Variants in TMPRSS13 observed in about 807,000 individuals in gnomAD.
The protein encoded by TMPRSS13 is transmembrane serine protease 13, also known as transmembrane protease serine 13.
TMPRSS13 carries 50 observed loss-of-function variants against 68.4 expected under a neutral mutation model. That is an observed-to-expected ratio of 0.73 (90% CI 0.58 to 0.93). The LOEUF is 0.93. TMPRSS13 is among the 40% of genes least tolerant of loss of function. The probability of loss-of-function intolerance (pLI) is 0.00; values close to 1 mark genes in which losing one functional copy is unlikely to be tolerated. For synonymous variants in TMPRSS13, 267 were observed against 285.8 expected (o/e 0.93, Z 0.66); for missense variants, 615 against 729.2 (o/e 0.84, Z 1.80).
In TMPRSS13 at chr11:117,911,845, G is replaced by T. The variant is rs761175401; in HGVS notation, c.825C>A (p.Thr275=). Residue 275 remains threonine, a synonymous_variant, in exon 6 of 13, where the codon ACC becomes ACA. Transcript: ENST00000524993. ...QLGFESAHRT[T]EVAHRDFANS... ...TGGCAAAATCCCTGTGGGCAACCTC[G>T]GTTGTCCGGTGAGCACTACAAGGGA... The T allele has an allele frequency of 2.5e-6, 4 of 1,613,978 alleles. No homozygotes were observed. The Admixed American group carries it at 6.7e-5, about 27-fold the overall frequency.
intron 5 of TMPRSS13, among the ~76,000 whole-genome samples, chr11:117,912,645 C>A (rs922114930): frequency 1.3e-5 from 2 of 152,214 alleles, no homozygotes; most frequent in Non-Finnish European, 1.5e-5. Context: ...AGGGCCCATT[C>A]TCTGCTCTCT....
In TMPRSS13 at chr11:117,902,110, A is replaced by C; in HGVS notation, c.*129T>G. ...CACACACACACACACACACAGAGGC[A>C]GCAGACAGTGGAGGTGGGAGTCCGA... On this transcript the variant is annotated 3_prime_UTR_variant, in exon 13 of 13. Transcript: ENST00000524993. 2 of 947,204 alleles carry C rather than the reference A, an allele frequency of 2.1e-6. No individual in the cohort carries two copies. Among genetic ancestry groups the C allele is most frequent in the Non-Finnish European group, 3.3e-6 (2 of 607,414 alleles). The allele number at this position is 947,204 out of a possible 1,614,324, so 58.7% of individuals were successfully genotyped here.
intron 1 of TMPRSS13, among the ~76,000 whole-genome samples, chr11:117,924,146 C>T (rs907544178): frequency 4.7e-5 from 2 of 42,468 alleles, no homozygotes; most frequent in Non-Finnish European, 1.5e-4. Context: ...AAGCTGAAGA[C>T]CAACCTAGGC....
intron 10 of TMPRSS13, 42 bp downstream of exon 10, chr11:117,905,596 C>T: frequency 2.0e-6 from 3 of 1,493,190 alleles, no homozygotes; most frequent in Non-Finnish European, 2.8e-6. Context: ...CACACACATG[C>T]ACATGAATAC....
rs903311861 is a variant in TMPRSS13 at position 117,917,112 on chromosome 11, G to A, written c.556+58C>T. The A allele has an allele frequency of 1.3e-5, 19 of 1,433,402 alleles. No homozygotes were observed. The East Asian group carries it at 3.7e-4, about 28-fold the overall frequency. 88.8% of individuals were successfully genotyped at this position (1,433,402 alleles called of 1,614,324 possible). A position where few individuals can be genotyped will look rare whatever the true frequency, so the allele number is the denominator to read the frequency against. On this transcript the variant is annotated intron_variant, in intron 3 of 12. Transcript: ENST00000524993. ...TCTCCCCTGCCTGCCCCCATCCCTG[G>A]GTCCCACTCTGCCCAGCAGTGCCCA...
intron 11 of TMPRSS13, 46 bp downstream of exon 11, chr11:117,903,913 A>G (rs1187034770): frequency 1.2e-6 from 2 of 1,600,912 alleles, no homozygotes; most frequent in East Asian, 4.5e-5. Flanking sequence ...TGCCTCCCCC[A>G]TCCCCAGGGT....
chr11:117,918,911 C>T (rs917171659), intron 1 of TMPRSS13, 73 bp from the exon 2 acceptor site: 15 of 1,584,086 alleles, frequency 9.5e-6, no homozygotes, highest in Non-Finnish European at 1.3e-5. Flanking sequence ...CTGTGCTGCA[C>T]TAGGAGATGA....
chr11:117,916,619 T>C (rs2057580676), intron 3 of TMPRSS13, among the ~76,000 whole-genome samples: 1 of 152,252 alleles, frequency 6.6e-6, no homozygotes, highest in African/African-American at 2.4e-5. Context: ...GGGGCATGCC[T>C]GGGTATCTTT....
chr11:117,914,268 C>G lies in TMPRSS13; in HGVS notation c.679+124G>C. ...ATACATGCATACACACAAACATGCA[C>G]ATACACACACATGCACGCACACATA... On this transcript the variant is annotated intron_variant, in intron 4 of 12. Coordinates refer to ENST00000524993, the MANE Select transcript of TMPRSS13 (RefSeq NM_001077263.3). The surrounding 1 kb of genome is among the most constrained non-coding windows in gnomAD (Gnocchi z 4.2). 1 of 1,320,690 alleles carries G rather than the reference C, an allele frequency of 7.6e-7. No individual in the cohort carries two copies. The highest frequency in any genetic ancestry group is 1.1e-6 in the Non-Finnish European group (1 of 942,214). 81.8% of individuals were successfully genotyped at this position (1,320,690 alleles called of 1,614,324 possible). A position where few individuals can be genotyped will look rare whatever the true frequency, so the allele number is the denominator to read the frequency against.
At chr11:117,908,564 G>A (rs771329115) in intron 9 of TMPRSS13, 48 bp downstream of exon 9, 6 of 1,540,474 alleles carry the variant, frequency 3.9e-6, no homozygotes, top group Non-Finnish European at 4.4e-6. Flanking sequence ...GGCTGCAGAG[G>A]GTGCTGGGGC....
chr11:117,923,844 A>AAAAC (rs2057671378), intron 1 of TMPRSS13, among the ~76,000 whole-genome samples: 1 of 150,994 alleles, frequency 6.6e-6, no homozygotes, highest in Admixed American at 6.6e-5. Flanking sequence ...TAATTAAAAA[A>AAAAC]AAAAAAAAAA....
At chr11:117,920,937 C>T (rs1017504045) in intron 1 of TMPRSS13, among the ~76,000 whole-genome samples, 4 of 152,180 alleles carry the variant, frequency 2.6e-5, no homozygotes, top group African/African-American at 9.7e-5. Context: ...GTAAAATGGG[C>T]AGACCTTACC....
rs868563272 is a variant in TMPRSS13 at position 117,917,247 on chromosome 11, C to T, written c.479G>A (p.Arg160Gln). Reference protein sequence around the residue: ...PGTSLPKFTWREGQKQLPLIG... With the variant: ...PGTSLPKFTWQEGQKQLPLIG... ...GAGCGGTAGCTGCTTCTGGCCCTCC[C>T]GCCAGGTGAACTTGGGCAGGCTCGT... Residue 160 changes from arginine (R) to glutamine (Q), a missense_variant, in exon 3 of 13, where the codon CGG becomes CAG. Transcript: ENST00000524993. 23 of 1,612,706 alleles carry T rather than the reference C, an allele frequency of 1.4e-5. No homozygotes were observed. Among genetic ancestry groups the T allele is most frequent in the Admixed American group, 6.7e-5 (4 of 60,020 alleles).
At chr11:117,921,545 G>T (rs55732448) in intron 1 of TMPRSS13, among the ~76,000 whole-genome samples, 26,248 of 152,184 alleles carry the variant, frequency 0.17, 2,851 homozygotes, top group Non-Finnish European at 0.25. Context: ...GTGGGCAGGT[G>T]GGGGGAGGGA....
At chr11:117,907,968 G>A in intron 9 of TMPRSS13, 1 of 988,128 alleles carries the variant, frequency 1.0e-6, no homozygotes, top group South Asian at 4.7e-5. Context: ...GAGAACCTCT[G>A]CAGCATTTCC....
At chr11:117,911,524 T>C (rs1246593794) in intron 6 of TMPRSS13, among the ~76,000 whole-genome samples, 16 of 152,268 alleles carry the variant, frequency 1.1e-4, no homozygotes, top group African/African-American at 3.6e-4. Flanking sequence ...GACGACCTGA[T>C]AAACTCTCAG....
At chr11:117,928,854 G>A (rs2057732274) in intron 1 of TMPRSS13, among the ~76,000 whole-genome samples, 1 of 152,232 alleles carries the variant, frequency 6.6e-6, no homozygotes, top group African/African-American at 2.4e-5. Context: ...GTTTAGGAGT[G>A]TAGTGAGGGG....
chr11:117,914,329 A>G lies in TMPRSS13; in HGVS notation c.679+63T>C. 4 of 1,600,558 alleles carry G rather than the reference A, an allele frequency of 2.5e-6. No homozygotes were observed. Among genetic ancestry groups the G allele is most frequent in the Non-Finnish European group, 3.4e-6 (4 of 1,175,942 alleles). On this transcript the variant is annotated intron_variant, in intron 4 of 12. Transcript: ENST00000524993. The surrounding 1 kb of genome is among the most constrained non-coding windows in gnomAD (Gnocchi z 4.2). ...GGCATGCATACACACACACATATAC[A>G]AACAGGCACACAAACACATGCACAT...
Position 117,902,072 on chromosome 11 carries a change from GCACACACACACACA to G in TMPRSS13, c.*153_*166del, listed in dbSNP as rs3839950. 3.8e-4 allele frequency: 245 copies of G among 646,642 alleles called. No individual in the cohort carries two copies. Among genetic ancestry groups the G allele is most frequent in the Admixed American group, 1.2e-3 (51 of 41,874 alleles). 40.1% of individuals were successfully genotyped at this position (646,642 alleles called of 1,614,324 possible). A position where few individuals can be genotyped will look rare whatever the true frequency, so the allele number is the denominator to read the frequency against. On this transcript the variant is annotated 3_prime_UTR_variant, in exon 13 of 13. Coordinates refer to ENST00000524993, the MANE Select transcript of TMPRSS13 (RefSeq NM_001077263.3). ...TGGGAGAGTGGCAATGCACACATAT[GCACACACACACACA>G]CACACACACACACACACAGAGGCAG...
Sources: allele counts gnomAD v4.1 joint callset (sites outside exome capture counted in the v4.1 genomes callset), GRCh38; gene constraint gnomAD v4.1.1; non-coding constraint Gnocchi (gnomAD v3.1); transcripts MANE v1.5; gene names NCBI Gene and HGNC (gene_info 2026-07-23, HGNC 2026-07-21).